C19orf18: variants seen among roughly 807,000 people sequenced by gnomAD.
C19orf18 encodes chromosome 19 open reading frame 18.
C19orf18 carries 21 observed loss-of-function variants against 23.3 expected under a neutral mutation model. The observed-to-expected ratio is 0.90, with a 90% CI of 0.64 to 1.30. The LOEUF (loss-of-function observed/expected upper bound fraction) is 1.30. C19orf18 is among the 50% of genes most tolerant of loss of function. The pLI is 0.00. For synonymous variants in C19orf18, 96 were observed against 95.2 expected (o/e 1.01, Z -0.05); for missense variants, 249 against 259.6 (o/e 0.96, Z 0.28).
chr19:57,959,111 T>A (rs1232422249), intron 5 of C19orf18, among the ~76,000 whole-genome samples: 1 of 152,220 alleles, frequency 6.6e-6, no homozygotes, highest in Non-Finnish European at 1.5e-5. Context: ...TGAGTCCATG[T>A]GAGGATGGTT....
rs1469319525 is a variant in C19orf18, at chr19:57,961,429, G to C, written c.494C>G (p.Pro165Arg). 2 of 1,614,006 alleles carry C rather than the reference G, an allele frequency of 1.2e-6. No homozygotes were observed. The highest frequency in any genetic ancestry group is 4.5e-5 in the East Asian group (2 of 44,866). Residue 165 changes from proline (P) to arginine (R), a missense_variant, in exon 5 of 6, where the codon CCA (proline) becomes CGA (arginine). Pro to Arg is a moderately radical substitution (Grantham distance 103). Coordinates refer to ENST00000314391, the MANE Select transcript of C19orf18 (RefSeq NM_152474.5). The stretch of plus-strand genomic sequence containing the variant: ...CTTTTCCAGCTCATTTTCGTTCTCT[G>C]GAAGTAGGTGCGTGGACTCACCCTC... ...EDEGESTHLL[P>R]ENENELEKFI...
intron 3 of C19orf18, among the ~76,000 whole-genome samples, chr19:57,967,248 A>G (rs1204474063): frequency 6.6e-6 from 1 of 152,150 alleles, no homozygotes; most frequent in Non-Finnish European, 1.5e-5. Flanking sequence ...ATGAATTTTG[A>G]AAATTATTTT....
At position 57,972,527 on chromosome 19, in the gene C19orf18, C is replaced by A. The variant is rs1472126158; in HGVS notation, c.227-23G>T. On this transcript the variant is annotated intron_variant, in intron 2 of 5. Coordinates refer to ENST00000314391, the MANE Select transcript of C19orf18 (RefSeq NM_152474.5). ...CAGCTAAAAGGCCATCAAAGGGGATCAAAAAGAAGAGACTTTAAGATGGTT... is the reference window on the plus strand; with the variant it reads ...CAGCTAAAAGGCCATCAAAGGGGATAAAAAAGAAGAGACTTTAAGATGGTT... 3.1e-6 allele frequency: 5 copies of A among 1,611,240 alleles called. No individual in the cohort carries two copies. In the South Asian group the frequency reaches 5.5e-5, roughly 18 times the overall value.
In C19orf18 at chr19:57,974,489, T is replaced by C; in HGVS notation, c.-57A>G. 1 of 1,592,908 alleles carries C rather than the reference T, an allele frequency of 6.3e-7. No homozygotes were observed. The highest frequency in any genetic ancestry group is 1.1e-5 in the South Asian group (1 of 90,098). On this transcript the variant is annotated 5_prime_UTR_variant, in exon 1 of 6. Transcript: ENST00000314391. ...GATGAAAGGAAATACTTAGCTACAG[T>C]CCAGCATCTGTCCTCTATTTATCTG...
intron 5 of C19orf18, 128 bp downstream of exon 5, chr19:57,961,263 G>GAAGA (rs386389356): frequency 1.6e-5 from 17 of 1,048,884 alleles, no homozygotes; most frequent in Non-Finnish European, 1.9e-5. Flanking sequence ...AGAAAGGAAG[G>GAAGA]AAGAAAGAAA....
chr19:57,964,085 C>CGTTTTG (rs1210602229), intron 4 of C19orf18, among the ~76,000 whole-genome samples: 2 of 151,744 alleles, frequency 1.3e-5, no homozygotes, highest in Non-Finnish European at 2.9e-5. Flanking sequence ...TGTTTGTTTT[C>CGTTTTG]GTTTTGGTTT....
intron 5 of C19orf18, 136 bp downstream of exon 5, chr19:57,961,255 A>AAAGG (rs112154725): frequency 0.21 from 198,187 of 953,090 alleles, 23,552 homozygotes; most frequent in African/African-American, 0.35. Context: ...TGAAAGAAAG[A>AAAGG]AAGGAAGGAA....
Position 57,974,375 on chromosome 19 carries a change from G to A in C19orf18, c.58C>T (p.Leu20Phe). The A allele has an allele frequency of 6.2e-7, 1 of 1,614,038 alleles. No homozygotes were observed. Among genetic ancestry groups the A allele is most frequent in the Non-Finnish European group, 8.5e-7 (1 of 1,179,982 alleles). The change falls in exon 1 of 6, where the codon CTT becomes TTT. Residue 20 changes from leucine (L) to phenylalanine (F), a missense_variant. Leu to Phe is a conservative substitution (Grantham distance 22). Transcript: ENST00000314391. ...ILFLFLMECQ[L>F]HLCLPYADGL... ...TCTGCATACGGCAAGCATAAATGAA[G>A]TTGGCATTCCATTAAAAACAAAAAC...
intron 2 of C19orf18, 149 bp downstream of exon 2, chr19:57,973,950 A>C (rs952742376): frequency 3.6e-5 from 26 of 732,120 alleles, no homozygotes; most frequent in Admixed American, 8.8e-5. Flanking sequence ...GAAGAGCATA[A>C]GATCTAATTT....
Position 57,959,906 on chromosome 19 carries a change from T to C in C19orf18, c.533-1189A>G, listed in dbSNP as rs1391642046. 5.3e-5 allele frequency among the ~76,000 whole-genome samples: 8 copies of C among 151,176 alleles called. No individual in the cohort carries two copies. In the East Asian group the frequency reaches 1.4e-3, roughly 26 times the overall value. On this transcript the variant is annotated intron_variant, in intron 5 of 5. Coordinates refer to ENST00000314391, the MANE Select transcript of C19orf18 (RefSeq NM_152474.5). ...GGGTGGATCAATTGAGGTCAGGAGT[T>C]CGAGACCAGCCTGGCTAACTGGTGA...
chr19:57,974,346 T>C lies in C19orf18; in HGVS notation c.87A>G (p.Gly29=). 6.2e-7 allele frequency: 1 copy of C among 1,613,928 alleles called. No individual in the cohort carries two copies. The highest frequency in any genetic ancestry group is 8.5e-7 in the Non-Finnish European group (1 of 1,179,958). ...QLHLCLPYAD[G]LHPTGNITGL... The stretch of plus-strand genomic sequence containing the variant: ...CTGTTATGTTTCCAGTGGGATGGAG[T>C]CCATCTGCATACGGCAAGCATAAAT... The change falls in exon 1 of 6, where the codon GGA becomes GGG. Residue 29 remains glycine, a synonymous_variant. Transcript: ENST00000314391.
At chr19:57,959,533 G>A (rs1001778194) in intron 5 of C19orf18, among the ~76,000 whole-genome samples, 17 of 152,050 alleles carry the variant, frequency 1.1e-4, no homozygotes, top group African/African-American at 2.9e-4. Context: ...GCTGAAGCAT[G>A]AGAATCACTT....
At chr19:57,962,420 G>T (rs1199413583) in intron 4 of C19orf18, among the ~76,000 whole-genome samples, 1 of 152,108 alleles carries the variant, frequency 6.6e-6, no homozygotes, top group Non-Finnish European at 1.5e-5. Flanking sequence ...CAGAATGGGT[G>T]TTACTGATTT....
At chr19:57,970,250 C>CA (rs1568568491) in intron 3 of C19orf18, among the ~76,000 whole-genome samples, 1 of 152,206 alleles carries the variant, frequency 6.6e-6, no homozygotes, top group Non-Finnish European at 1.5e-5. Context: ...AGAGCCCCCT[C>CA]AGATGGCTTC....
At chr19:57,961,689 A>G in intron 4 of C19orf18, 138 bp from the exon 5 acceptor site, 1 of 904,326 alleles carries the variant, frequency 1.1e-6, no homozygotes, top group Non-Finnish European at 1.7e-6. Flanking sequence ...CAGACTAATC[A>G]TGGTCAGCTC....
intron 5 of C19orf18, 120 bp downstream of exon 5, chr19:57,961,270 GA>G: frequency 1.9e-6 from 2 of 1,077,284 alleles, no homozygotes; most frequent in Non-Finnish European, 2.6e-6. Context: ...AAGGAAGAAA[GA>G]AAGAAAGGAA....
chr19:57,968,376 A>G (rs186205864), intron 3 of C19orf18, among the ~76,000 whole-genome samples: 2 of 152,250 alleles, frequency 1.3e-5, no homozygotes, highest in East Asian at 3.9e-4. Flanking sequence ...AGGGAGAGGG[A>G]ATTGTCAGGA....
intron 3 of C19orf18, among the ~76,000 whole-genome samples, chr19:57,969,591 A>AAACC (rs2072931834): frequency 6.7e-6 from 1 of 148,420 alleles, no homozygotes; most frequent in African/African-American, 2.5e-5. Context: ...AAAAAAAAAA[A>AAACC]AAAAACCAAG....
intron 3 of C19orf18, 57 bp downstream of exon 3, chr19:57,972,406 C>T: frequency 6.3e-7 from 1 of 1,594,118 alleles, no homozygotes; most frequent in Non-Finnish European, 8.6e-7. Context: ...AGCCACACAT[C>T]ACGACAGCTT....
Sources: gnomAD v4.1 joint callset for allele counts (sites outside exome capture counted in the v4.1 genomes callset) on GRCh38, gnomAD v4.1.1 for gene constraint, MANE v1.5 for transcripts, NCBI Gene and HGNC (gene_info 2026-07-23, HGNC 2026-07-21) for gene names.